Variants in TMEM272 observed in about 807,000 individuals in gnomAD.
The protein encoded by TMEM272 is long intergenic non-protein coding RNA 282.
Under a neutral mutation model 3.7 loss-of-function variants are expected in TMEM272, and 8 were observed. That is an observed-to-expected ratio of 2.17 (90% CI 1.27 to 3.91). The LOEUF (loss-of-function observed/expected upper bound fraction) is 3.91, where lower values mean the gene tolerates loss of function less well. TMEM272 is among the 30% of genes most tolerant of loss of function. The pLI, the probability that TMEM272 is intolerant of heterozygous loss-of-function variation, is 0.00. For synonymous variants in TMEM272, 63 were observed against 39.8 expected (o/e 1.58, Z -2.20); for missense variants, 166 against 91.5 (o/e 1.81, Z -3.32).
At chr13:51,883,909 T>C in the TMEM272 span, among the ~76,000 whole-genome samples, 2 of 152,234 alleles carry the variant, frequency 1.3e-5, no homozygotes, top group Admixed American at 6.5e-5. Flanking sequence ...TGTCGTTTTA[T>C]ATTCCAGCTT....
chr13:51,821,988 G>A (rs1956083620), intron 4 of TMEM272, 67 bp downstream of exon 4: 1 of 701,748 alleles, frequency 1.4e-6, no homozygotes, highest in African/African-American at 1.7e-5. Flanking sequence ...CAAATAACAG[G>A]TGCATTACAG....
At chr13:51,870,538 G>A in the TMEM272 span, among the ~76,000 whole-genome samples, 3 of 151,928 alleles carry the variant, frequency 2.0e-5, no homozygotes, top group Non-Finnish European at 2.9e-5. Context: ...CTCAAGTCCC[G>A]ATAAAACACA....
At chr13:51,849,672 C>T (rs1461951773), upstream of TMEM272, among the ~76,000 whole-genome samples, 2 of 152,214 alleles carry the variant, frequency 1.3e-5, no homozygotes, top group African/African-American at 2.4e-5. Context: ...TGCGCGGACA[C>T]GCCGCTGTCA....
the TMEM272 span, among the ~76,000 whole-genome samples, chr13:51,851,332 TC>T: frequency 6.7e-6 from 1 of 148,902 alleles, no homozygotes. Flanking sequence ...ACATCTTGCC[TC>T]CTCCGTAACC....
chr13:51,892,288 G>A, the TMEM272 span, among the ~76,000 whole-genome samples: 1 of 152,192 alleles, frequency 6.6e-6, no homozygotes, highest in South Asian at 2.1e-4. Context: ...ATCGAAGCCT[G>A]GAAGTGGGAA....
In TMEM272 at chr13:51,815,869, T is replaced by A. The variant is rs191559953; in HGVS notation, c.*882A>T. 3 of 152,346 alleles carry A rather than the reference T, an allele frequency of 2.0e-5. No homozygotes were observed. In the East Asian group the frequency reaches 5.8e-4, roughly 29 times the overall value. 9.4% of individuals were successfully genotyped at this position (152,346 alleles called of 1,614,324 possible). On this transcript the variant is annotated 3_prime_UTR_variant, in exon 5 of 5. Transcript: ENST00000629372. ...AACTGGTCATTAGGTTGAGGAGCTA[T>A]TATTCGATATTTAAGCTCAGAAACC...
rs574421989 is a variant in TMEM272, at chr13:51,813,623, A to G, written c.*3128T>C. On this transcript the variant is annotated 3_prime_UTR_variant, in exon 5 of 5. Coordinates refer to ENST00000629372, the MANE Select transcript of TMEM272 (RefSeq NM_001351003.2). ...CGAATCAGAACCAGCTGGGCCCCAC[A>G]AGTCAGTCTCTGGGGGCTGTGATTC... 1 of 206,894 alleles carries G rather than the reference A, an allele frequency of 4.8e-6. No homozygotes were observed. Among genetic ancestry groups the G allele is most frequent in the African/African-American group, 2.3e-5 (1 of 43,660 alleles). 12.8% of individuals were successfully genotyped at this position (206,894 alleles called of 1,614,324 possible). A position where few individuals can be genotyped will look rare whatever the true frequency, so the allele number is the denominator to read the frequency against.
At chr13:51,894,338 C>T in the TMEM272 span, among the ~76,000 whole-genome samples, 1 of 152,196 alleles carries the variant, frequency 6.6e-6, no homozygotes, top group African/African-American at 2.4e-5. Flanking sequence ...CTTTGTGAGT[C>T]AGGGGACTGG....
intron 2 of TMEM272, among the ~76,000 whole-genome samples, chr13:51,828,776 C>T (rs912736651): frequency 2.6e-5 from 4 of 152,118 alleles, no homozygotes; most frequent in Non-Finnish European, 5.9e-5. Context: ...TGCCCTTTAC[C>T]GCCAATATTC....
the TMEM272 span, among the ~76,000 whole-genome samples, chr13:51,862,571 T>C: frequency 9.2e-5 from 14 of 152,324 alleles, no homozygotes; most frequent in South Asian, 2.9e-3. Context: ...ACCTATCCTG[T>C]GGCAGAACAT....
the TMEM272 span, among the ~76,000 whole-genome samples, chr13:51,904,507 T>C: frequency 6.6e-6 from 1 of 152,132 alleles, no homozygotes; most frequent in Admixed American, 6.5e-5. Context: ...TGAATAATTT[T>C]CTCTGGGCTT....
the TMEM272 span, among the ~76,000 whole-genome samples, chr13:51,889,312 C>A: frequency 1.3e-5 from 2 of 152,230 alleles, no homozygotes; most frequent in South Asian, 4.1e-4. Context: ...TATGTTGAAG[C>A]CCTATCCTCT....
chr13:51,903,241 A>G, the TMEM272 span, among the ~76,000 whole-genome samples: 2 of 152,244 alleles, frequency 1.3e-5, no homozygotes, highest in Non-Finnish European at 2.9e-5. Flanking sequence ...ATCTAGAGAC[A>G]CTTTATTTAT....
chr13:51,913,611 A>C, the TMEM272 span, among the ~76,000 whole-genome samples: 2 of 152,182 alleles, frequency 1.3e-5, no homozygotes, highest in African/African-American at 4.8e-5. Flanking sequence ...TCTAGGCTAC[A>C]GGGCTTGGGG....
At chr13:51,872,854 G>A in the TMEM272 span, among the ~76,000 whole-genome samples, 1 of 152,166 alleles carries the variant, frequency 6.6e-6, no homozygotes, top group Non-Finnish European at 1.5e-5. Flanking sequence ...ATTCTTAGAC[G>A]AATTATCAAG....
upstream of TMEM272, among the ~76,000 whole-genome samples, chr13:51,847,372 G>A (rs1273692231): frequency 6.6e-6 from 1 of 152,150 alleles, no homozygotes; most frequent in African/African-American, 2.4e-5. Context: ...CAGAAATCTA[G>A]GTTGCACACT....
chr13:51,888,194 C>T, the TMEM272 span, among the ~76,000 whole-genome samples: 9 of 150,792 alleles, frequency 6.0e-5, no homozygotes, highest in African/African-American at 1.9e-4. Flanking sequence ...TACAGGCACC[C>T]ACCACCACAC....
chr13:51,860,478 A>C, the TMEM272 span, among the ~76,000 whole-genome samples: 1,722 of 152,104 alleles, frequency 0.011, 38 homozygotes, highest in African/African-American at 0.039. Context: ...ATCTCTAAAA[A>C]AACACAAAAA....
chr13:51,886,732 A>C, the TMEM272 span, among the ~76,000 whole-genome samples: 1 of 152,216 alleles, frequency 6.6e-6, no homozygotes, highest in Non-Finnish European at 1.5e-5. Flanking sequence ...CATCTTAGTA[A>C]GTTCCCAATT....
Sources: gnomAD v4.1 joint callset for allele counts (sites outside exome capture counted in the v4.1 genomes callset) on GRCh38, gnomAD v4.1.1 for gene constraint, MANE v1.5 for transcripts, NCBI Gene and HGNC (gene_info 2026-07-23, HGNC 2026-07-21) for gene names.